The following PRAMEF6 variants were observed in gnomAD, a reference collection of about 807,000 sequenced individuals.
PRAMEF6 encodes PRAME family member 6.
For synonymous variants in PRAMEF6, 8 were observed against 134.4 expected, an observed-to-expected ratio of 0.06 and a Z score of 6.51; for missense variants, 29 against 349.2, an observed-to-expected ratio of 0.08 and a Z score of 7.31.
intron 1 of PRAMEF6, among the ~76,000 whole-genome samples, chr1:12,946,012 AAAAG>A (rs1641755629): frequency 3.3e-5 from 1 of 30,048 alleles, no homozygotes; most frequent in Non-Finnish European, 5.8e-5. Flanking sequence ...AAAAAAAAAA[AAAAG>A]AAAAAGAAAA....
Position 12,941,813 on chromosome 1 carries a change from C to T in PRAMEF6, c.288-248G>A, listed in dbSNP as rs28477587. Among the ~76,000 whole-genome samples, 8 of 105,826 alleles carry T rather than the reference C, an allele frequency of 7.6e-5. 1 individual carries two copies. The highest frequency in any genetic ancestry group is 1.8e-4 in the Admixed American group (2 of 11,244). 69.4% of individuals were successfully genotyped at this position (105,826 alleles called of 152,430 possible). A position where few individuals can be genotyped will look rare whatever the true frequency, so the allele number is the denominator to read the frequency against. On this transcript the variant is annotated intron_variant, in intron 2 of 3. Transcript: ENST00000376189. Reference sequence around the variant, plus strand: ...TCACCTCACTGCAACCTCTGCTTCCCGGGTTCAAATGATTCTCCTGCCTCA... The same window carrying T: ...TCACCTCACTGCAACCTCTGCTTCCTGGGTTCAAATGATTCTCCTGCCTCA...
intron 1 of PRAMEF6, 50 bp downstream of exon 1, chr1:12,947,467 G>A (rs201925676): frequency 2.6e-4 from 36 of 141,138 alleles, no homozygotes; most frequent in Non-Finnish European, 4.2e-4. Flanking sequence ...ATCCCAGACC[G>A]ACTGACTGTA....
chr1:12,941,671 T>G, intron 2 of PRAMEF6, 106 bp from the exon 3 acceptor site: 2 of 710,812 alleles, frequency 2.8e-6, no homozygotes, highest in South Asian at 2.0e-5. Context: ...TCTCCCTCTC[T>G]CTGACTTTTC....
rs1054288284 is a variant in PRAMEF6, at chr1:12,939,735, C to T, written c.870-499G>A. On this transcript the variant is annotated intron_variant, in intron 3 of 3. Transcript: ENST00000376189. ...AAAAAAAAGGAGAAAAAAATAATTCCATTTGAGGCTGAGTCACTTCACCAT... is the reference window on the plus strand; with the variant it reads ...AAAAAAAAGGAGAAAAAAATAATTCTATTTGAGGCTGAGTCACTTCACCAT... 1.9e-5 allele frequency among the ~76,000 whole-genome samples: 2 copies of T among 106,262 alleles called. 1 individual carries two copies. The highest frequency in any genetic ancestry group is 8.7e-5 in the African/African-American group (2 of 22,888). The allele number at this position is 106,262 out of a possible 152,430, so 69.7% of individuals were successfully genotyped here.
At position 12,938,512 on chromosome 1, in the gene PRAMEF6, C is replaced by T; in HGVS notation, c.*163G>A. On this transcript the variant is annotated 3_prime_UTR_variant, in exon 4 of 4. Coordinates refer to ENST00000376189, the MANE Select transcript of PRAMEF6 (RefSeq NM_001010889.2). ...CATCGAATCCATGGCAACACTTCCCCCAAGTCCTGCCCCTGCTTGATCACC... is the reference window on the plus strand; with the variant it reads ...CATCGAATCCATGGCAACACTTCCCTCAAGTCCTGCCCCTGCTTGATCACC... 1.3e-6 allele frequency: 1 copy of T among 785,858 alleles called. No homozygotes were observed. Among genetic ancestry groups the T allele is most frequent in the Non-Finnish European group, 1.8e-6 (1 of 544,566 alleles). 48.7% of individuals were successfully genotyped at this position (785,858 alleles called of 1,614,324 possible).
chr1:12,941,644 C>T lies in PRAMEF6; in HGVS notation c.288-79G>A, dbSNP rs1306179197. 3.4e-6 allele frequency: 2 copies of T among 588,570 alleles called. 1 individual carries two copies. 36.5% of individuals were successfully genotyped at this position (588,570 alleles called of 1,614,324 possible). A position where few individuals can be genotyped will look rare whatever the true frequency, so the allele number is the denominator to read the frequency against. ...AACTCCACATCCTGCATAGCAGCTC[C>T]TCCCCTCCCTGCTTCTTCTCCCTCT... On this transcript the variant is annotated intron_variant, in intron 2 of 3. Coordinates refer to ENST00000376189, the MANE Select transcript of PRAMEF6 (RefSeq NM_001010889.2).
At chr1:12,941,822 A>G (rs1641724420) in intron 2 of PRAMEF6, among the ~76,000 whole-genome samples, 1 of 102,160 alleles carries the variant, frequency 9.8e-6, no homozygotes, top group African/African-American at 5.7e-5. Flanking sequence ...CCGGGTTCAA[A>G]TGATTCTCCT....
intron 2 of PRAMEF6, 64 bp from the exon 3 acceptor site, chr1:12,941,629 C>G: frequency 4.1e-6 from 2 of 492,026 alleles, no homozygotes; most frequent in Non-Finnish European, 5.8e-6. Flanking sequence ...AACTCCACAT[C>G]CTGCATAGCA....
chr1:12,943,051 CTT>C (rs1641738884), intron 1 of PRAMEF6, among the ~76,000 whole-genome samples: 1 of 147,990 alleles, frequency 6.8e-6, no homozygotes, highest in African/African-American at 2.5e-5. Flanking sequence ...TCCCTCCCTT[CTT>C]TCTTTCTTTC....
At chr1:12,943,049 T>C (rs4113147) in intron 1 of PRAMEF6, among the ~76,000 whole-genome samples, 16,356 of 140,960 alleles carry the variant, frequency 0.12, 32 homozygotes, top group Non-Finnish European at 0.14. Flanking sequence ...TCTCCCTCCC[T>C]TCTTTCTTTC....
Position 12,941,460 on chromosome 1 carries a change from G to C in PRAMEF6, c.393C>G (p.Asn131Lys), listed in dbSNP as rs761759987. 6.8e-7 allele frequency: 1 copy of C among 1,476,082 alleles called. No homozygotes were observed. 91.4% of individuals were successfully genotyped at this position (1,476,082 alleles called of 1,614,324 possible). ...ARGCFLNAKR[N>K]KTPVQDCPRM... The stretch of plus-strand genomic sequence containing the variant: ...TTGGACAGTCCTGCACTGGTGTTTT[G>C]TTCCTCTTGGCATTGAGGAAGCACC... The change falls in exon 3 of 4, where the codon AAC becomes AAG. Residue 131 changes from asparagine to lysine, a missense_variant. Physicochemically the swap from Asn to Lys is moderately conservative, Grantham distance 94 (BLOSUM62 0). Coordinates refer to ENST00000376189, the MANE Select transcript of PRAMEF6 (RefSeq NM_001010889.2).
At chr1:12,943,038 C>A (rs1387651713) in intron 1 of PRAMEF6, among the ~76,000 whole-genome samples, 2 of 147,404 alleles carry the variant, frequency 1.4e-5, no homozygotes, top group Non-Finnish European at 3.0e-5. Context: ...TTCTTTCCCT[C>A]TCTCCCTCCC....
chr1:12,941,748 T>A (rs1188287775), intron 2 of PRAMEF6, among the ~76,000 whole-genome samples, 183 bp from the exon 3 acceptor site: 2 of 113,218 alleles, frequency 1.8e-5, no homozygotes, highest in Non-Finnish European at 3.4e-5. Flanking sequence ...TGAGACCAAG[T>A]CTCCCTCTGT....
In PRAMEF6 at chr1:12,941,506, C is replaced by G. The variant is rs201303224; in HGVS notation, c.347G>C (p.Trp116Ser). ...QDVCENFWMV[W>S]SEAMARGCFL... ...GCACCCACGGGCCATAGCTTCAGAC[C>G]AAACCATCCAGAAGTTCTCACAGAC... The change falls in exon 3 of 4, where the codon TGG becomes TCG. Residue 116 changes from tryptophan to serine, a missense_variant. Trp to Ser is a radical substitution (Grantham distance 177, BLOSUM62 -3). Transcript: ENST00000376189. 3 of 1,488,210 alleles carry G rather than the reference C, an allele frequency of 2.0e-6. No individual in the cohort carries two copies. Among genetic ancestry groups the G allele is most frequent in the East Asian group, 2.5e-5 (1 of 40,162 alleles). 92.2% of individuals were successfully genotyped at this position (1,488,210 alleles called of 1,614,324 possible).
Position 12,938,476 on chromosome 1 carries a change from C to A in PRAMEF6, c.*199G>T, listed in dbSNP as rs1271298577. The A allele has an allele frequency of 3.5e-5, 19 of 537,774 alleles. 6 individuals are homozygous for A. The Admixed American group carries it at 6.8e-4, about 19-fold the overall frequency. The allele number at this position is 537,774 out of a possible 1,614,324, so 33.3% of individuals were successfully genotyped here. On this transcript the variant is annotated 3_prime_UTR_variant, in exon 4 of 4. Transcript: ENST00000376189. ...ATTTTCCACTCTACAGGACACAGGT[C>A]CCCAAAGTCCCATCGAATCCATGGC...
At chr1:12,941,720 A>AT (rs1641722213) in intron 2 of PRAMEF6, among the ~76,000 whole-genome samples, 155 bp from the exon 3 acceptor site, 2 of 103,756 alleles carry the variant, frequency 1.9e-5, no homozygotes, top group South Asian at 3.4e-4. Flanking sequence ...CCACTTCCAC[A>AT]TTTTTTTGTT....
intron 3 of PRAMEF6, among the ~76,000 whole-genome samples, chr1:12,939,746 G>A (rs1433968569): frequency 1.0e-5 from 1 of 99,352 alleles, no homozygotes; most frequent in Non-Finnish European, 2.0e-5. Flanking sequence ...ATTTGAGGCT[G>A]AGTCACTTCA....
chr1:12,939,820 G>C (rs1403245844), intron 3 of PRAMEF6, among the ~76,000 whole-genome samples: 1 of 42,638 alleles, frequency 2.3e-5, no homozygotes, highest in African/African-American at 1.4e-4. Flanking sequence ...TCATCTGTCA[G>C]GCAGAAAACC....
At chr1:12,941,742 A>G (rs1240895471) in intron 2 of PRAMEF6, among the ~76,000 whole-genome samples, 177 bp from the exon 3 acceptor site, 1 of 112,818 alleles carries the variant, frequency 8.9e-6, no homozygotes, top group Non-Finnish European at 1.7e-5. Context: ...TTCTTTTGAG[A>G]CCAAGTCTCC....
Sources: gnomAD v4.1 joint callset for allele counts (sites outside exome capture counted in the v4.1 genomes callset) on GRCh38, gnomAD v4.1.1 for gene constraint, MANE v1.5 for transcripts, NCBI Gene and HGNC (gene_info 2026-07-23, HGNC 2026-07-21) for gene names.